PPFIBP2: variants seen among roughly 807,000 people sequenced by gnomAD.
PPFIBP2 encodes PPFIB scaffold protein 2, also known as liprin-beta-2.
In PPFIBP2, 118 loss-of-function variants were observed where a neutral mutation model predicts 118.3. The observed-to-expected ratio is 1.00, with a 90% CI of 0.86 to 1.16. The LOEUF (loss-of-function observed/expected upper bound fraction) is 1.16. Among genes scored for constraint, PPFIBP2 ranks in the 50% most tolerant of loss-of-function variants. The pLI is 0.00. For missense variants in PPFIBP2, 1,195 were observed against 1,073.1 expected (o/e 1.11, Z -1.59); for synonymous variants, 414 against 397.4 (o/e 1.04, Z -0.50).
intron 1 of PPFIBP2, among the ~76,000 whole-genome samples, chr11:7,523,177 A>G (rs562649599): frequency 2.6e-5 from 4 of 152,196 alleles, no homozygotes; most frequent in South Asian, 4.1e-4. Flanking sequence ...CGGGAGACTC[A>G]GTGGCCCTGA....
chr11:7,648,161 T>G, intron 17 of PPFIBP2: 1 of 481,350 alleles, frequency 2.1e-6, no homozygotes, highest in South Asian at 3.1e-5. Context: ...TAGCCTGAGA[T>G]TTGAAATTCA....
intron 22 of PPFIBP2, 99 bp downstream of exon 22, chr11:7,651,064 T>C (rs1590817158): frequency 1.6e-6 from 2 of 1,280,694 alleles, no homozygotes; most frequent in East Asian, 2.4e-5. Flanking sequence ...CGAAAAAAAA[T>C]AGGTACTTCA....
At chr11:7,560,542 T>A (rs1470660018) in intron 2 of PPFIBP2, among the ~76,000 whole-genome samples, 1 of 152,250 alleles carries the variant, frequency 6.6e-6, no homozygotes, top group Admixed American at 6.5e-5. Flanking sequence ...ATTTAAACAT[T>A]CACCAATTTG....
Position 7,651,748 on chromosome 11 carries a change from G to A in PPFIBP2, c.2340G>A (p.Lys780=). Residue 780 remains lysine (K), a synonymous_variant, in exon 23 of 24, where the codon AAG becomes AAA. Coordinates refer to ENST00000299492, the MANE Select transcript of PPFIBP2 (RefSeq NM_003621.5). ...TCCTCAGGCGCCACCTGACCACCAAGTTCAATGCCTTGATTGGTCCGGAGG... is the reference window on the plus strand; with the variant it reads ...TCCTCAGGCGCCACCTGACCACCAAATTCAATGCCTTGATTGGTCCGGAGG... ...KTLLRRHLTT[K]FNALIGPEAE... 3 of 1,614,104 alleles carry A rather than the reference G, an allele frequency of 1.9e-6. No homozygotes were observed. The highest frequency in any genetic ancestry group is 2.5e-6 in the Non-Finnish European group (3 of 1,179,962).
intron 1 of PPFIBP2, among the ~76,000 whole-genome samples, chr11:7,524,973 C>T (rs1378878458): frequency 6.6e-6 from 1 of 151,540 alleles, no homozygotes. Context: ...CACCTGGTAA[C>T]AACAACAGCC....
At chr11:7,666,668 G>C in the PPFIBP2 span, 1 of 632,980 alleles carries the variant, frequency 1.6e-6, no homozygotes, top group South Asian at 2.0e-5. Context: ...TGGAGTGCTC[G>C]CTGCCAACTC....
chr11:7,556,826 G>A (rs1224675617), intron 2 of PPFIBP2, among the ~76,000 whole-genome samples: 2 of 152,208 alleles, frequency 1.3e-5, no homozygotes, highest in Admixed American at 6.5e-5. Flanking sequence ...CTAATGAGAA[G>A]TCTGGCAATC....
intron 2 of PPFIBP2, among the ~76,000 whole-genome samples, chr11:7,556,052 A>G (rs61890214): frequency 0.16 from 24,534 of 152,092 alleles, 2,013 homozygotes; most frequent in South Asian, 0.17. Context: ...ATTTTATCTA[A>G]AGTACTTTGT....
rs146208131 is a variant in PPFIBP2, at chr11:7,565,619, A to G, written c.131A>G (p.Tyr44Cys). ...CEPGLASPAS[Y>C]MNPFPVLHLI... ...CCTGGACTGGCTTCCCCGGCCTCCT[A>G]CATGAACCCCTTCCCGGTGCTCCAT... is the stretch of plus-strand genomic sequence containing the variant. The change falls in exon 3 of 24, where the codon TAC (tyrosine) becomes TGC (cysteine). Residue 44 changes from tyrosine (Y) to cysteine (C), a missense_variant. Coordinates refer to ENST00000299492, the MANE Select transcript of PPFIBP2 (RefSeq NM_003621.5). The G allele has an allele frequency of 3.7e-6, 6 of 1,614,092 alleles. No homozygotes were observed. The highest frequency in any genetic ancestry group is 5.1e-6 in the Non-Finnish European group (6 of 1,180,028).
At chr11:7,650,814 C>T (rs770050921) in intron 21 of PPFIBP2, 26 bp from the exon 22 acceptor site, 3 of 1,611,322 alleles carry the variant, frequency 1.9e-6, no homozygotes, top group Non-Finnish European at 2.5e-6. Flanking sequence ...AGCCTAACTT[C>T]CTCACTCTCC....
At chr11:7,554,210 A>G (rs532171864) in intron 2 of PPFIBP2, among the ~76,000 whole-genome samples, 1 of 152,126 alleles carries the variant, frequency 6.6e-6, no homozygotes, top group South Asian at 2.1e-4. Flanking sequence ...CAAAGAATGT[A>G]TTTTCTCACA....
chr11:7,516,246 A>G (rs932762361), intron 1 of PPFIBP2, among the ~76,000 whole-genome samples: 2 of 152,206 alleles, frequency 1.3e-5, no homozygotes, highest in Non-Finnish European at 2.9e-5. Context: ...GAGGCCGGAT[A>G]GGAAACCGGG....
chr11:7,565,907 A>C (rs919617728), intron 3 of PPFIBP2, 140 bp downstream of exon 3: 4 of 897,468 alleles, frequency 4.5e-6, no homozygotes, highest in African/African-American at 1.7e-5. Context: ...CCAACGCTGC[A>C]GGGTGGCCCT....
chr11:7,586,314 G>A (rs1858173180), intron 3 of PPFIBP2, among the ~76,000 whole-genome samples: 1 of 152,132 alleles, frequency 6.6e-6, no homozygotes, highest in Non-Finnish European at 1.5e-5. Flanking sequence ...TTTGTAGAAG[G>A]CATTAAATGA....
chr11:7,588,730 T>G (rs1858662196), intron 3 of PPFIBP2, among the ~76,000 whole-genome samples: 1 of 152,258 alleles, frequency 6.6e-6, no homozygotes, highest in Non-Finnish European at 1.5e-5. Context: ...CAAGACTTTT[T>G]TCAGCCTCTT....
intron 5 of PPFIBP2, among the ~76,000 whole-genome samples, chr11:7,607,157 G>A (rs1210477854): frequency 6.7e-6 from 1 of 149,270 alleles, no homozygotes; most frequent in Admixed American, 6.7e-5. Context: ...TGATCCGCCC[G>A]CCTCGGCCTC....
intron 3 of PPFIBP2, among the ~76,000 whole-genome samples, chr11:7,591,801 A>G (rs1859357644): frequency 6.6e-6 from 1 of 152,208 alleles, no homozygotes; most frequent in African/African-American, 2.4e-5. Context: ...ACTAGTGCGC[A>G]TCCAGGGTTT....
At chr11:7,516,398 T>C (rs1849230766) in intron 1 of PPFIBP2, among the ~76,000 whole-genome samples, 1 of 152,004 alleles carries the variant, frequency 6.6e-6, no homozygotes, top group Non-Finnish European at 1.5e-5. Flanking sequence ...ACTGATTAGA[T>C]GCAATGAGAA....
chr11:7,597,530 C>T, intron 4 of PPFIBP2, 30 bp from the exon 5 acceptor site: 3 of 1,595,384 alleles, frequency 1.9e-6, no homozygotes, highest in East Asian at 4.5e-5. Flanking sequence ...AATCCCTGGT[C>T]CTCCACCATT....
Sources: gnomAD v4.1 joint callset for allele counts (sites outside exome capture counted in the v4.1 genomes callset) on GRCh38, gnomAD v4.1.1 for gene constraint, MANE v1.5 for transcripts, NCBI Gene and HGNC (gene_info 2026-07-23, HGNC 2026-07-21) for gene names.